ACAD11: variants seen among roughly 807,000 people sequenced by gnomAD.
The protein encoded by ACAD11 is acyl-Coenzyme A dehydrogenase family, member 11.
In ACAD11, 83 loss-of-function variants were observed where a neutral mutation model predicts 102.2. That is an observed-to-expected ratio of 0.81 (90% CI 0.68 to 0.97). The LOEUF (loss-of-function observed/expected upper bound fraction) is 0.97, where lower values mean the gene tolerates loss of function less well. Ranked by LOEUF, ACAD11 falls within the 50% of genes least tolerant of loss-of-function variation. The probability of loss-of-function intolerance (pLI) is 0.00; values close to 1 mark genes in which losing one functional copy is unlikely to be tolerated. For missense variants in ACAD11, 901 were observed against 951.7 expected, an observed-to-expected ratio of 0.95 and a Z score of 0.70; for synonymous variants, 324 against 319.8, an observed-to-expected ratio of 1.01 and a Z score of -0.14.
chr3:132,561,341 C>G (rs1391580623), intron 17 of ACAD11, 124 bp from the exon 18 acceptor site: 1 of 742,302 alleles, frequency 1.3e-6, no homozygotes, highest in Non-Finnish European at 2.4e-6. Context: ...ACAAGCTTTA[C>G]TCTATGTATT....
chr3:132,618,316 C>A, intron 11 of ACAD11: 1 of 283,126 alleles, frequency 3.5e-6, no homozygotes, highest in South Asian at 1.5e-4. Flanking sequence ...AGATTTGAAA[C>A]TCTCTATCCA....
chr3:132,639,376 G>T, intron 5 of ACAD11, 116 bp downstream of exon 5: 1 of 994,696 alleles, frequency 1.0e-6, no homozygotes, highest in Non-Finnish European at 1.4e-6. Flanking sequence ...ACAGTCCTGA[G>T]CTGTAGGGGA....
At chr3:132,637,357 C>T (rs1393772174) in intron 5 of ACAD11, among the ~76,000 whole-genome samples, 1 of 151,798 alleles carries the variant, frequency 6.6e-6, no homozygotes, top group African/African-American at 2.4e-5. Flanking sequence ...CTGATTATGA[C>T]CATGTGGCTT....
At chr3:132,561,387 A>C in intron 17 of ACAD11, 170 bp from the exon 18 acceptor site, 1 of 649,498 alleles carries the variant, frequency 1.5e-6, no homozygotes, top group Non-Finnish European at 2.8e-6. Flanking sequence ...GATATACACC[A>C]GCCTAACCAC....
At chr3:132,605,764 C>A (rs1287272836) in intron 11 of ACAD11, among the ~76,000 whole-genome samples, 3 of 152,196 alleles carry the variant, frequency 2.0e-5, no homozygotes, top group Non-Finnish European at 2.9e-5. Flanking sequence ...TCTCTGATTA[C>A]CCAGTCAGTG....
chr3:132,628,300 G>A (rs1939903004), intron 8 of ACAD11, 40 bp downstream of exon 8: 2 of 1,439,314 alleles, frequency 1.4e-6, no homozygotes, highest in African/African-American at 2.8e-5. Context: ...ACCCAATAAA[G>A]GCTCTAATTT....
chr3:132,634,840 G>A (rs910719310), intron 5 of ACAD11, among the ~76,000 whole-genome samples: 1 of 145,510 alleles, frequency 6.9e-6, no homozygotes, highest in African/African-American at 2.5e-5. Flanking sequence ...TCACTCATAG[G>A]TGGGAATTGA....
At chr3:132,653,579 T>G (rs1320605479) in intron 1 of ACAD11, among the ~76,000 whole-genome samples, 1 of 152,212 alleles carries the variant, frequency 6.6e-6, no homozygotes, top group East Asian at 1.9e-4. Flanking sequence ...AAGCTTTCTC[T>G]TGACCTCACT....
rs1320623933 is a variant in ACAD11 at position 132,603,347 on chromosome 3, G to T, written c.1523-20C>A. 3.8e-6 allele frequency: 6 copies of T among 1,598,952 alleles called. No individual in the cohort carries two copies. The highest frequency in any genetic ancestry group is 5.1e-6 in the Non-Finnish European group (6 of 1,166,812). On this transcript the variant is annotated intron_variant, in intron 12 of 19. Transcript: ENST00000264990. ...CAGGTTCTATAAATAAACAAAAGCT[G>T]AATTTACAGGCAGGCAGATATCATC...
At chr3:132,595,438 C>T (rs1219238771) in intron 13 of ACAD11, among the ~76,000 whole-genome samples, 1 of 151,974 alleles carries the variant, frequency 6.6e-6, no homozygotes, top group Non-Finnish European at 1.5e-5. Flanking sequence ...GCAATAGAAG[C>T]AAAAATTGAC....
intron 1 of ACAD11, among the ~76,000 whole-genome samples, chr3:132,649,191 A>G (rs11713631): frequency 0.11 from 17,248 of 152,254 alleles, 1,509 homozygotes; most frequent in East Asian, 0.53. Flanking sequence ...GAAAGACCTG[A>G]CCGTCCCCCA....
At chr3:132,576,653 C>T (rs1261236244) in intron 16 of ACAD11, among the ~76,000 whole-genome samples, 1 of 152,178 alleles carries the variant, frequency 6.6e-6, no homozygotes, top group African/African-American at 2.4e-5. Flanking sequence ...TAAAACCTCA[C>T]CATTCCATGT....
intron 13 of ACAD11, among the ~76,000 whole-genome samples, chr3:132,588,910 T>C (rs1467183978): frequency 6.6e-6 from 1 of 152,226 alleles, no homozygotes; most frequent in East Asian, 1.9e-4. Context: ...GAAACTGCTA[T>C]GGTCTGAATG....
In ACAD11 at chr3:132,642,578, T is replaced by C. The variant is rs2107886666; in HGVS notation, c.375+99A>G. 1.2e-5 allele frequency: 15 copies of C among 1,296,382 alleles called. 1 individual carries two copies. The South Asian group carries it at 2.2e-4, about 19-fold the overall frequency. The allele number at this position is 1,296,382 out of a possible 1,614,324, so 80.3% of individuals were successfully genotyped here. On this transcript the variant is annotated intron_variant, in intron 3 of 19. Coordinates refer to ENST00000264990, the MANE Select transcript of ACAD11 (RefSeq NM_032169.5). ...CAATCTAATTACCTAAAATGTTAAA[T>C]AACAAACTATATCATTTATTAAGTA...
intron 1 of ACAD11, among the ~76,000 whole-genome samples, chr3:132,647,647 T>G (rs1018078758): frequency 2.0e-5 from 3 of 151,992 alleles, no homozygotes; most frequent in South Asian, 4.1e-4. Flanking sequence ...ATGCCCCCAT[T>G]CCCCCTTGGT....
At chr3:132,652,898 A>C (rs1937609668) in intron 1 of ACAD11, among the ~76,000 whole-genome samples, 1 of 152,118 alleles carries the variant, frequency 6.6e-6, no homozygotes, top group East Asian at 1.9e-4. Flanking sequence ...GATAATGAAA[A>C]TTTCATACTT....
At chr3:132,559,202 G>A in intron 19 of ACAD11, 117 bp from the exon 20 acceptor site, 1 of 758,122 alleles carries the variant, frequency 1.3e-6, no homozygotes, top group Non-Finnish European at 2.2e-6. Context: ...TTCCACCAAG[G>A]TCAGGGTAAG....
At chr3:132,615,919 G>A (rs1321122475) in intron 11 of ACAD11, among the ~76,000 whole-genome samples, 1 of 152,058 alleles carries the variant, frequency 6.6e-6, no homozygotes, top group East Asian at 1.9e-4. Context: ...TATTGAAGGG[G>A]GGAAAAAGGG....
In ACAD11 at chr3:132,659,675, T is replaced by A. The variant is rs745309589; in HGVS notation, c.77A>T (p.Glu26Val). Residue 26 changes from glutamate (E) to valine (V), a missense_variant, in exon 1 of 20, where the codon GAG (glutamate) becomes GTG (valine). By Grantham distance (121) the Glu-to-Val change is moderately radical. Transcript: ENST00000264990. ...PQHKFDSKSL[E>V]AYLNQHLSGF... ...AGACAAGTGCTGGTTTAGGTAGGCC[T>A]CCAGGGACTTGCTGTCGAACTTGTG... 4 of 1,611,616 alleles carry A rather than the reference T, an allele frequency of 2.5e-6. No individual in the cohort carries two copies. In the East Asian group the frequency reaches 6.7e-5, roughly 27 times the overall value.
Sources: gnomAD v4.1 joint callset for allele counts (sites outside exome capture counted in the v4.1 genomes callset) on GRCh38, gnomAD v4.1.1 for gene constraint, MANE v1.5 for transcripts, NCBI Gene and HGNC (gene_info 2026-07-23, HGNC 2026-07-21) for gene names.